Variants in PARP16 observed in about 807,000 individuals in gnomAD.
The protein encoded by PARP16 is poly(ADP-ribose) polymerase family member 16, also known as protein mono-ADP-ribosyltransferase PARP16.
Under a neutral mutation model 35.0 loss-of-function variants are expected in PARP16, and 31 were observed. The observed-to-expected ratio is 0.88, with a 90% CI of 0.66 to 1.19. PARP16 has a LOEUF of 1.19. Among genes scored for constraint, PARP16 ranks in the 50% most tolerant of loss-of-function variants. The probability of loss-of-function intolerance (pLI) is 0.00; values close to 1 mark genes in which losing one functional copy is unlikely to be tolerated. For synonymous variants in PARP16, 162 were observed against 169.5 expected (o/e 0.96, Z 0.34); for missense variants, 424 against 411.2 (o/e 1.03, Z -0.27).
chr15:65,251,886 T>C (rs1334934906), intron 2 of PARP16, among the ~76,000 whole-genome samples: 1 of 152,116 alleles, frequency 6.6e-6, no homozygotes, highest in Non-Finnish European at 1.5e-5. Context: ...TGCCTCAGCC[T>C]CCCGAGTAGC....
chr15:65,269,778 TA>T (rs2090036570), intron 2 of PARP16, among the ~76,000 whole-genome samples: 1 of 152,202 alleles, frequency 6.6e-6, no homozygotes, highest in Non-Finnish European at 1.5e-5. Context: ...CCCCACAGTT[TA>T]AAAGAAATTT....
At chr15:65,235,310 C>CA (rs969034718) in intron 3 of PARP16, among the ~76,000 whole-genome samples, 1 of 149,086 alleles carries the variant, frequency 6.7e-6, no homozygotes, top group Non-Finnish European at 1.5e-5. Context: ...CCGTCCCCCC[C>CA]AAAAAAAATT....
chr15:65,253,648 A>T (rs773779656), downstream of PARP16, among the ~76,000 whole-genome samples: 2 of 152,010 alleles, frequency 1.3e-5, no homozygotes, highest in Non-Finnish European at 2.9e-5. Flanking sequence ...CTTTTTGCTA[A>T]CATTCAATCA....
At position 65,243,564 on chromosome 15, in the gene PARP16, C is replaced by T. The variant is rs2089134960; in HGVS notation, c.*97+4553G>A. Among the ~76,000 whole-genome samples, 3 of 152,236 alleles carry T rather than the reference C, an allele frequency of 2.0e-5. No homozygotes were observed. In the South Asian group the frequency reaches 6.2e-4, roughly 32 times the overall value. ...CCATGCCTTCTTGGAATATCTCTGT[C>T]TGGTTTTGGTATCAGGGTAAGGCTG... On this transcript the variant is annotated intron_variant and NMD_transcript_variant, in intron 3 of 3. Transcript: ENST00000559805.
intron 2 of PARP16, among the ~76,000 whole-genome samples, chr15:65,252,967 C>G (rs1035283615): frequency 2.6e-5 from 4 of 151,928 alleles, no homozygotes; most frequent in Admixed American, 6.6e-5. Flanking sequence ...GTCTCTACTA[C>G]TAATACAAAA....
chr15:65,241,885 CA>C lies in PARP16; in HGVS notation c.*97+6231del, dbSNP rs372693884. Among the ~76,000 whole-genome samples the C allele has an allele frequency of 9.2e-3, 1,394 of 152,154 alleles. 21 individuals carry two copies. Among genetic ancestry groups the C allele is most frequent in the African/African-American group, 0.032 (1,337 of 41,540 alleles). On this transcript the variant is annotated intron_variant and NMD_transcript_variant, in intron 3 of 3. Transcript: ENST00000559805. ...TTTTTCTAGTGGTATCATTAGAGAGCAAAAGTTTTAAATTTTAATGAAGTTT... is the reference window on the plus strand; with the variant it reads ...TTTTTCTAGTGGTATCATTAGAGAGCAAAGTTTTAAATTTTAATGAAGTTT...
chr15:65,266,895 G>C (rs970185221), intron 2 of PARP16, 127 bp from the exon 3 acceptor site: 7 of 681,344 alleles, frequency 1.0e-5, no homozygotes, highest in Middle Eastern at 7.7e-4. Flanking sequence ...GTTTCATGAG[G>C]ATAGAGACAT....
intron 1 of PARP16, among the ~76,000 whole-genome samples, chr15:65,277,316 C>T (rs1002690061): frequency 3.3e-5 from 5 of 152,190 alleles, no homozygotes; most frequent in African/African-American, 1.2e-4. Flanking sequence ...TTGTGTTCAG[C>T]AATACAGCAG....
At position 65,266,590 on chromosome 15, in the gene PARP16, T is replaced by C; in HGVS notation, c.491A>G (p.His164Arg). ...SRLENFHSII[H>R]NGLHCHLNKT... ...GTTCAGATGGCAGTGCAGGCCATTG[T>C]GGATAATGGAATGGAAGTTTTCTAG... The change falls in exon 3 of 6, where the codon CAC becomes CGC. Residue 164 changes from histidine (H) to arginine (R), a missense_variant. Physicochemically the swap from His to Arg is conservative, Grantham distance 29. Transcript: ENST00000649807. 1.2e-6 allele frequency: 2 copies of C among 1,613,986 alleles called. No individual in the cohort carries two copies. Among genetic ancestry groups the C allele is most frequent in the Non-Finnish European group, 1.7e-6 (2 of 1,179,942 alleles).
In PARP16 at chr15:65,286,296, G is replaced by A. The variant is rs1468703501; in HGVS notation, c.131C>T (p.Pro44Leu). The A allele has an allele frequency of 3.1e-6, 5 of 1,601,990 alleles. No individual in the cohort carries two copies. The highest frequency in any genetic ancestry group is 1.1e-5 in the South Asian group (1 of 89,418). Residue 44 changes from proline (P) to leucine (L), a missense_variant, in exon 1 of 6, where the codon CCC (proline) becomes CTC (leucine). Pro to Leu is a moderately conservative substitution (Grantham distance 98). Coordinates refer to ENST00000649807, the MANE Select transcript of PARP16 (RefSeq NM_001316943.2). ...YKRDSVLRPF[P>L]ASYARGDCKD... ...ACAGTCGCCGCGGGCGTAGGACGCGGGGAAGGGCCGCAGCACCGAGTCGCG... is the reference window on the plus strand; with the variant it reads ...ACAGTCGCCGCGGGCGTAGGACGCGAGGAAGGGCCGCAGCACCGAGTCGCG...
At chr15:65,233,596 C>G (rs1229019892), downstream of PARP16, among the ~76,000 whole-genome samples, 1 of 151,652 alleles carries the variant, frequency 6.6e-6, no homozygotes, top group Non-Finnish European at 1.5e-5. Flanking sequence ...ATTAGTGGGA[C>G]AGGCTGGCAT....
chr15:65,232,388 G>A (rs1351456992), downstream of PARP16, among the ~76,000 whole-genome samples: 1 of 152,116 alleles, frequency 6.6e-6, no homozygotes, highest in Non-Finnish European at 1.5e-5. Context: ...TACCACTGAC[G>A]GCTTGAAATC....
chr15:65,275,102 G>A (rs1394420868), intron 1 of PARP16, among the ~76,000 whole-genome samples: 1 of 151,390 alleles, frequency 6.6e-6, no homozygotes. Flanking sequence ...GTGACACAGC[G>A]AGACCCTGTC....
At chr15:65,261,814 T>C (rs1459403451) in intron 4 of PARP16, among the ~76,000 whole-genome samples, 2 of 152,112 alleles carry the variant, frequency 1.3e-5, no homozygotes, top group African/African-American at 4.8e-5. Context: ...ACATTTATCT[T>C]CCACCCTTCG....
intron 3 of PARP16, among the ~76,000 whole-genome samples, chr15:65,243,283 G>A (rs1040975023): frequency 6.6e-6 from 1 of 151,974 alleles, no homozygotes; most frequent in Non-Finnish European, 1.5e-5. Flanking sequence ...AGTAGGTCTG[G>A]CTCTGTTGCC....
At chr15:65,235,814 G>A (rs1030796610) in intron 3 of PARP16, among the ~76,000 whole-genome samples, 6 of 147,158 alleles carry the variant, frequency 4.1e-5, no homozygotes, top group Non-Finnish European at 7.4e-5. Context: ...CAGCCTGGGC[G>A]ACAGAGTGAG....
At position 65,286,351 on chromosome 15, in the gene PARP16, G is replaced by A; in HGVS notation, c.76C>T (p.Leu26Phe). 1 of 1,593,490 alleles carries A rather than the reference G, an allele frequency of 6.3e-7. No individual in the cohort carries two copies. Among genetic ancestry groups the A allele is most frequent in the Non-Finnish European group, 8.5e-7 (1 of 1,171,776 alleles). ...TAGCTCTGCAGGGCCGAGGCGAAGA[G>A]GCTGCACCGGAGGTCGGCGGCCAGC... ...DMLAADLRCS[L>F]FASALQSYKR... The change falls in exon 1 of 6, where the codon CTC becomes TTC. Residue 26 changes from leucine (L) to phenylalanine (F), a missense_variant. Physicochemically the swap from Leu to Phe is conservative, Grantham distance 22. Coordinates refer to ENST00000649807, the MANE Select transcript of PARP16 (RefSeq NM_001316943.2).
At chr15:65,273,613 T>C (rs1457368438) in intron 1 of PARP16, among the ~76,000 whole-genome samples, 2 of 152,112 alleles carry the variant, frequency 1.3e-5, no homozygotes, top group African/African-American at 4.8e-5. Flanking sequence ...GTGCAGTGGC[T>C]CATGCCTGTA....
intron 3 of PARP16, among the ~76,000 whole-genome samples, chr15:65,235,302 G>A (rs1396300426): frequency 5.3e-5 from 8 of 151,242 alleles, no homozygotes; most frequent in African/African-American, 1.7e-4. Context: ...AAGAGACTCC[G>A]TCCCCCCCAA....
Sources: allele counts gnomAD v4.1 joint callset (sites outside exome capture counted in the v4.1 genomes callset), GRCh38; gene constraint gnomAD v4.1.1; transcripts MANE v1.5; gene names NCBI Gene and HGNC (gene_info 2026-07-23, HGNC 2026-07-21).